The following ANKRD42 variants were observed in gnomAD, a reference collection of about 807,000 sequenced individuals.
The protein encoded by ANKRD42 is ankyrin repeat domain 42.
In ANKRD42, 43 loss-of-function variants were observed where a neutral mutation model predicts 51.5. That is an observed-to-expected ratio of 0.83 (90% CI 0.65 to 1.08). The LOEUF (loss-of-function observed/expected upper bound fraction) is 1.08. Among genes scored for constraint, ANKRD42 ranks in the 50% least tolerant of loss-of-function variants. The pLI, the probability that ANKRD42 is intolerant of heterozygous loss-of-function variation, is 0.00. For synonymous variants in ANKRD42, 203 were observed against 213.0 expected, an observed-to-expected ratio of 0.95 and a Z score of 0.41; for missense variants, 608 against 629.3, an observed-to-expected ratio of 0.97 and a Z score of 0.36.
At chr11:83,246,131 A>G (rs12361262) in intron 10 of ANKRD42, among the ~76,000 whole-genome samples, 1,936 of 152,296 alleles carry the variant, frequency 0.013, 13 homozygotes, top group Non-Finnish European at 0.02. Context: ...TTGGCTCTCT[A>G]TATCTGTGGG....
chr11:83,234,395 TCTC>T (rs1408444536), intron 7 of ANKRD42, among the ~76,000 whole-genome samples: 2 of 152,204 alleles, frequency 1.3e-5, no homozygotes, highest in African/African-American at 2.4e-5. Context: ...AACTATGACT[TCTC>T]CTTTTTAAAC....
At chr11:83,227,991 A>C (rs1862943095) in intron 7 of ANKRD42, 119 bp downstream of exon 7, 3 of 1,159,290 alleles carry the variant, frequency 2.6e-6, no homozygotes, top group Non-Finnish European at 3.6e-6. Context: ...ACCCTAGCAG[A>C]TATCAGTCTA....
intron 6 of ANKRD42, 80 bp from the exon 7 acceptor site, chr11:83,227,667 C>A: frequency 6.9e-7 from 1 of 1,443,112 alleles, no homozygotes; most frequent in Non-Finnish European, 9.3e-7. Context: ...AATATTGAAA[C>A]CTGAAATATA....
chr11:83,216,751 A>G (rs1474365427), intron 5 of ANKRD42, among the ~76,000 whole-genome samples: 2 of 152,166 alleles, frequency 1.3e-5, no homozygotes, highest in African/African-American at 2.4e-5. Context: ...ATATATCTTC[A>G]ATATTATCCA....
At chr11:83,259,500 C>T (rs1863838955), downstream of ANKRD42, 2 of 152,122 alleles carry the variant, frequency 1.3e-5, no homozygotes, top group African/African-American at 2.4e-5. Flanking sequence ...GCTGTATAAC[C>T]TGGGAATAAG....
In ANKRD42 at chr11:83,248,303, A is replaced by T; in HGVS notation, c.*99A>T. 5 of 580,158 alleles carry T rather than the reference A, an allele frequency of 8.6e-6. No homozygotes were observed. Among genetic ancestry groups the T allele is most frequent in the Non-Finnish European group, 1.1e-5 (5 of 435,662 alleles). The allele number at this position is 580,158 out of a possible 1,614,324, so 35.9% of individuals were successfully genotyped here. ...ATGACAGGATTAAAGGAATACACAC[A>T]CACACACACACACACACACACACAC... On this transcript the variant is annotated 3_prime_UTR_variant, in exon 11 of 11. Coordinates refer to ENST00000533342, the MANE Select transcript of ANKRD42 (RefSeq NM_001300975.2).
intron 10 of ANKRD42, among the ~76,000 whole-genome samples, chr11:83,247,372 C>T (rs1190994765): frequency 3.3e-5 from 5 of 151,954 alleles, no homozygotes. Flanking sequence ...CCTGGCCTCC[C>T]TTTTATTCTT....
chr11:83,257,591 G>C (rs1161374321), downstream of ANKRD42, among the ~76,000 whole-genome samples: 1 of 152,178 alleles, frequency 6.6e-6, no homozygotes, highest in East Asian at 1.9e-4. Flanking sequence ...ATATAATGCT[G>C]ATCTGGGATT....
chr11:83,194,675 C>A lies in ANKRD42; in HGVS notation c.5C>A (p.Pro2His). The stretch of plus-strand genomic sequence containing the variant: ...CAGAGTCGGAGGTGTTGCGCCATGC[C>A]CGGGGTGGCCAATTCAGGCCCCTCC... Reference protein sequence around the residue: MPGVANSGPSTS... With the variant: MHGVANSGPSTS... The change falls in exon 1 of 11, where the codon CCC (proline) becomes CAC (histidine). Residue 2 changes from proline to histidine, a missense_variant. By Grantham distance (77) the Pro-to-His change is moderately conservative. Coordinates refer to ENST00000533342, the MANE Select transcript of ANKRD42 (RefSeq NM_001300975.2). The A allele has an allele frequency of 1.2e-6, 2 of 1,613,772 alleles. No individual in the cohort carries two copies. Among genetic ancestry groups the A allele is most frequent in the Non-Finnish European group, 1.7e-6 (2 of 1,179,934 alleles).
intron 5 of ANKRD42, among the ~76,000 whole-genome samples, chr11:83,220,369 G>A (rs1016968585): frequency 2.0e-5 from 3 of 152,088 alleles, no homozygotes; most frequent in African/African-American, 7.2e-5. Context: ...GGAAGGACAG[G>A]ACAGAATAGC....
At chr11:83,225,785 A>G (rs1862862690) in intron 6 of ANKRD42, among the ~76,000 whole-genome samples, 1 of 66,944 alleles carries the variant, frequency 1.5e-5, no homozygotes, top group African/African-American at 1.0e-4. Flanking sequence ...CATCCTGGAA[A>G]AAAAAAAAAA....
chr11:83,219,775 ACTT>A (rs1318107508), intron 5 of ANKRD42, among the ~76,000 whole-genome samples: 1 of 152,178 alleles, frequency 6.6e-6, no homozygotes, highest in Non-Finnish European at 1.5e-5. Flanking sequence ...ATGCCCTAAG[ACTT>A]CTACTATCCA....
In ANKRD42 at chr11:83,194,563, G is replaced by C. The variant is rs1203077013; in HGVS notation, c.-108G>C. ...TGGGCCCCGTCCTAGTGACGACGGA[G>C]AAGAGGGCCGCTGCCGCTGCAGTGG... On this transcript the variant is annotated 5_prime_UTR_variant, in exon 1 of 11. Transcript: ENST00000533342. The C allele has an allele frequency of 5.4e-6, 6 of 1,113,134 alleles. No individual in the cohort carries two copies. The African/African-American group carries it at 9.2e-5, about 17-fold the overall frequency. The allele number at this position is 1,113,134 out of a possible 1,614,324, so 69.0% of individuals were successfully genotyped here. A position where few individuals can be genotyped will look rare whatever the true frequency, so the allele number is the denominator to read the frequency against.
At chr11:83,253,902 G>C (rs1863716866), downstream of ANKRD42, among the ~76,000 whole-genome samples, 1 of 151,924 alleles carries the variant, frequency 6.6e-6, no homozygotes, top group Admixed American at 6.6e-5. Flanking sequence ...GTGTTAGGAG[G>C]GACTTTGGAA....
Position 83,194,670 on chromosome 11 carries a change from C to G in ANKRD42, c.-1C>G, listed in dbSNP as rs1205120250. On this transcript the variant is annotated 5_prime_UTR_variant, in exon 1 of 11. Coordinates refer to ENST00000533342, the MANE Select transcript of ANKRD42 (RefSeq NM_001300975.2). ...CTCCCCAGAGTCGGAGGTGTTGCGC[C>G]ATGCCCGGGGTGGCCAATTCAGGCC... is the stretch of plus-strand genomic sequence containing the variant. 2 of 1,613,836 alleles carry G rather than the reference C, an allele frequency of 1.2e-6. No homozygotes were observed. Among genetic ancestry groups the G allele is most frequent in the East Asian group, 4.5e-5 (2 of 44,896 alleles).
intron 3 of ANKRD42, 188 bp from the exon 4 acceptor site, chr11:83,210,108 TAAAA>T (rs1160982158): frequency 4.7e-6 from 2 of 422,438 alleles, no homozygotes; most frequent in Non-Finnish European, 8.1e-6. Flanking sequence ...TTTTGTAATC[TAAAA>T]AAAAAAACAA....
Position 83,242,567 on chromosome 11 carries a change from G to GTTTTTTTTTTGTTTGTTTTTTTTTTT in ANKRD42, c.1195+1643_1195+1644insGTTTGTTTTTTTTTTTTTTTTTTTTT, listed in dbSNP as rs770772334. ...GGGGAATTCGGTGAATGGTAGTTAA[G>GTTTTTTTTTTGTTTGTTTTTTTTTTT]TTTTTTTTTTTTTTTTTTAGATGGA... On this transcript the variant is annotated intron_variant, in intron 9 of 10. Coordinates refer to ENST00000533342, the MANE Select transcript of ANKRD42 (RefSeq NM_001300975.2). Among the ~76,000 whole-genome samples the GTTTTTTTTTTGTTTGTTTTTTTTTTT allele has an allele frequency of 5.7e-3, 656 of 115,440 alleles. 58 individuals carry two copies. The highest frequency in any genetic ancestry group is 9.3e-3 in the Middle Eastern group (2 of 216). 75.7% of individuals were successfully genotyped at this position (115,440 alleles called of 152,430 possible).
Position 83,248,421 on chromosome 11 carries a change from G to C in ANKRD42, c.*217G>C. The C allele has an allele frequency of 8.1e-7, 1 of 1,237,670 alleles. No individual in the cohort carries two copies. The highest frequency in any genetic ancestry group is 1.0e-6 in the Non-Finnish European group (1 of 992,834). The allele number at this position is 1,237,670 out of a possible 1,614,324, so 76.7% of individuals were successfully genotyped here. A position where few individuals can be genotyped will look rare whatever the true frequency, so the allele number is the denominator to read the frequency against. On this transcript the variant is annotated 3_prime_UTR_variant, in exon 11 of 11. Coordinates refer to ENST00000533342, the MANE Select transcript of ANKRD42 (RefSeq NM_001300975.2). ...AGCAGCCTAGTTCATAAGTATTATT[G>C]TTAACATTGTACCATAGAAGGAGAA...
chr11:83,238,264 T>C (rs1415125485), intron 8 of ANKRD42, among the ~76,000 whole-genome samples: 1 of 152,240 alleles, frequency 6.6e-6, no homozygotes, highest in African/African-American at 2.4e-5. Context: ...GCTGTAAACA[T>C]TACTATACAG....
Sources: allele counts gnomAD v4.1 joint callset (sites outside exome capture counted in the v4.1 genomes callset), GRCh38; gene constraint gnomAD v4.1.1; transcripts MANE v1.5; gene names NCBI Gene and HGNC (gene_info 2026-07-23, HGNC 2026-07-21).